PCDHGA12: variants seen among roughly 807,000 people sequenced by gnomAD.
PCDHGA12 encodes the protein protocadherin gamma-A12.
In PCDHGA12, 43 loss-of-function variants were observed where a neutral mutation model predicts 61.1. The ratio of observed to expected loss-of-function variants is 0.70; its 90% CI spans 0.55 to 0.91. The LOEUF is 0.91. Ranked by LOEUF, PCDHGA12 falls within the 40% of genes least tolerant of loss-of-function variation. The pLI, the probability that PCDHGA12 is intolerant of heterozygous loss-of-function variation, is 0.00. For missense variants in PCDHGA12, 1,236 were observed against 1,227.7 expected (o/e 1.01, Z -0.10); for synonymous variants, 520 against 542.9 (o/e 0.96, Z 0.59).
chr5:141,457,273 G>A (rs746102734), intron 1 of PCDHGA12, among the ~76,000 whole-genome samples: 7 of 152,144 alleles, frequency 4.6e-5, no homozygotes, highest in Admixed American at 1.3e-4. Context: ...CCCTCTGTGG[G>A]CCTACGAAGT....
intron 1 of PCDHGA12, among the ~76,000 whole-genome samples, chr5:141,471,120 C>T (rs560582806): frequency 6.7e-6 from 1 of 149,470 alleles, no homozygotes; most frequent in South Asian, 2.1e-4. Context: ...GCGATCTTAC[C>T]TTCACTGCAA....
Position 141,431,428 on chromosome 5 carries a change from A to G in PCDHGA12, c.669A>G (p.Thr223=). The stretch of plus-strand genomic sequence containing the variant: ...CCGACGGGGGCGACCCGGTGCGCAC[A>G]GGCACCGCGCGCATCCGCGTGATGG... The part of the protein sequence containing the change: ...TASDGGDPVR[T]GTARIRVMVL... Residue 223 remains threonine (T), a synonymous_variant, in exon 1 of 4, where the codon ACA becomes ACG. Transcript: ENST00000252085. This position sits in a 1 kb window ranked among gnomAD's most constrained non-coding sequence, Gnocchi z 4.8. The G allele has an allele frequency of 6.2e-7, 1 of 1,613,664 alleles. No individual in the cohort carries two copies. Among genetic ancestry groups the G allele is most frequent in the Non-Finnish European group, 8.5e-7 (1 of 1,179,998 alleles).
chr5:141,458,390 C>T (rs2098944487), intron 1 of PCDHGA12, among the ~76,000 whole-genome samples: 1 of 152,058 alleles, frequency 6.6e-6, no homozygotes, highest in Non-Finnish European at 1.5e-5. Context: ...GAAGACGCTC[C>T]CCCTTGCAGA....
chr5:141,438,754 T>C (rs1213047429), intron 1 of PCDHGA12, among the ~76,000 whole-genome samples: 3 of 148,368 alleles, frequency 2.0e-5, no homozygotes, highest in African/African-American at 5.0e-5. Context: ...CTCTGCCTCC[T>C]GGGTTCAAGC....
At chr5:141,494,250 G>C (rs908660385) in intron 1 of PCDHGA12, among the ~76,000 whole-genome samples, 3 of 152,182 alleles carry the variant, frequency 2.0e-5, no homozygotes, top group African/African-American at 7.2e-5. Flanking sequence ...TTTAGCTGTG[G>C]GAAGAGATTC....
At position 141,476,455 on chromosome 5, in the gene PCDHGA12, G is replaced by A. The variant is rs572682842; in HGVS notation, c.2425-18352G>A. The A allele has an allele frequency of 1.2e-6, 2 of 1,614,034 alleles. No individual in the cohort carries two copies. The highest frequency in any genetic ancestry group is 2.2e-5 in the South Asian group (2 of 91,084). ...CTGTAACTCTGGAGTTGGTAGTGGA[G>A]AACCCGCTGGAGCTGTTCAGCGTGG... On this transcript the variant is annotated intron_variant, in intron 1 of 3. Coordinates refer to ENST00000252085, the MANE Select transcript of PCDHGA12 (RefSeq NM_003735.3). This position sits in a 1 kb window ranked among gnomAD's most constrained non-coding sequence, Gnocchi z 7.6.
chr5:141,501,302 C>T (rs886901737), intron 2 of PCDHGA12, among the ~76,000 whole-genome samples: 14 of 151,156 alleles, frequency 9.3e-5, no homozygotes, highest in African/African-American at 2.9e-4. Flanking sequence ...CACACACACA[C>T]ACACACACAC....
In PCDHGA12 at chr5:141,462,600, A is replaced by G. The variant is rs2154567827; in HGVS notation, c.2424+29417A>G. ...ATCCAGTGAAGTTTCCATTTCATAT[A>G]TTGTATTTTTCACTTTTAGAAGTTC... is the stretch of plus-strand genomic sequence containing the variant. On this transcript the variant is annotated intron_variant, in intron 1 of 3. Coordinates refer to ENST00000252085, the MANE Select transcript of PCDHGA12 (RefSeq NM_003735.3). Among the ~76,000 whole-genome samples, 6 of 152,076 alleles carry G rather than the reference A, an allele frequency of 3.9e-5. No homozygotes were observed. In the Middle Eastern group the frequency reaches 0.014, roughly 345 times the overall value.
Position 141,491,730 on chromosome 5 carries a change from C to G in PCDHGA12, c.2425-3077C>G, listed in dbSNP as rs1346666614. 1 of 1,603,920 alleles carries G rather than the reference C, an allele frequency of 6.2e-7. No homozygotes were observed. Among genetic ancestry groups the G allele is most frequent in the Non-Finnish European group, 8.5e-7 (1 of 1,175,836 alleles). ...GGGGCTCGGCGCCGCCCCGGGCGAC[C>G]CCTGGGGGCGGCACTGGAGAAGCCG... On this transcript the variant is annotated intron_variant, in intron 1 of 3. Coordinates refer to ENST00000252085, the MANE Select transcript of PCDHGA12 (RefSeq NM_003735.3). The surrounding 1 kb of genome is among the most constrained non-coding windows in gnomAD (Gnocchi z 6.9).
At chr5:141,440,912 G>T (rs1281398967) in intron 1 of PCDHGA12, 1 of 152,254 alleles carries the variant, frequency 6.6e-6, no homozygotes, top group Admixed American at 6.5e-5. Context: ...GGGCACTCCT[G>T]TGCTGAGAGT....
Position 141,491,713 on chromosome 5 carries a change from G to T in PCDHGA12, c.2425-3094G>T. The T allele has an allele frequency of 6.2e-7, 1 of 1,609,174 alleles. No individual in the cohort carries two copies. The highest frequency in any genetic ancestry group is 8.5e-7 in the Non-Finnish European group (1 of 1,178,054). On this transcript the variant is annotated intron_variant, in intron 1 of 3. Transcript: ENST00000252085. The surrounding 1 kb of genome is among the most constrained non-coding windows in gnomAD (Gnocchi z 6.9). ...GGAGCGGAGCCAGGTGAGGGGCTCG[G>T]CGCCGCCCCGGGCGACCCCTGGGGG...
At position 141,431,633 on chromosome 5, in the gene PCDHGA12, T is replaced by G; in HGVS notation, c.874T>G (p.Phe292Val). The change falls in exon 1 of 4, where the codon TTC becomes GTC. Residue 292 changes from phenylalanine (F) to valine (V), a missense_variant. Phe to Val is a conservative substitution (Grantham distance 50). Coordinates refer to ENST00000252085, the MANE Select transcript of PCDHGA12 (RefSeq NM_003735.3). This position sits in a 1 kb window ranked among gnomAD's most constrained non-coding sequence, Gnocchi z 4.8. Reference sequence around the variant, plus strand: ...TGTGGACGACAAGGCGGCCCAAGTTTTCAAACTAGATTGTAATTCAGGGAC... The same window carrying G: ...TGTGGACGACAAGGCGGCCCAAGTTGTCAAACTAGATTGTAATTCAGGGAC... ...RYVDDKAAQV[F>V]KLDCNSGTIS... 6.2e-7 allele frequency: 1 copy of G among 1,614,240 alleles called. No individual in the cohort carries two copies. Among genetic ancestry groups the G allele is most frequent in the Non-Finnish European group, 8.5e-7 (1 of 1,180,048 alleles).
At chr5:141,492,587 C>G (rs2154587748) in intron 1 of PCDHGA12, among the ~76,000 whole-genome samples, 1 of 152,314 alleles carries the variant, frequency 6.6e-6, no homozygotes, top group African/African-American at 2.4e-5. Flanking sequence ...GGGCCAGGAG[C>G]GCTGGAGCGA....
At chr5:141,456,860 G>A (rs1345260160) in intron 1 of PCDHGA12, among the ~76,000 whole-genome samples, 1 of 152,170 alleles carries the variant, frequency 6.6e-6, no homozygotes, top group African/African-American at 2.4e-5. Flanking sequence ...CTAATTGGGA[G>A]GCTGAGGCAG....
At chr5:141,446,837 T>G (rs2098518039) in intron 1 of PCDHGA12, among the ~76,000 whole-genome samples, 1 of 152,168 alleles carries the variant, frequency 6.6e-6, no homozygotes, top group South Asian at 2.1e-4. Flanking sequence ...CTTATAAGGC[T>G]GAGCATAATA....
rs776773140 is a variant in PCDHGA12, at chr5:141,476,589, G to A, written c.2425-18218G>A. 5 of 1,614,246 alleles carry A rather than the reference G, an allele frequency of 3.1e-6. No individual in the cohort carries two copies. Among genetic ancestry groups the A allele is most frequent in the Non-Finnish European group, 4.2e-6 (5 of 1,180,046 alleles). On this transcript the variant is annotated intron_variant, in intron 1 of 3. Coordinates refer to ENST00000252085, the MANE Select transcript of PCDHGA12 (RefSeq NM_003735.3). This position sits in a 1 kb window ranked among gnomAD's most constrained non-coding sequence, Gnocchi z 7.6. ...CCGGGGACGCGCTTTCCGCTCGAGA[G>A]CGCGCACGATCCCGATGTGGGAAGC...
Position 141,491,665 on chromosome 5 carries a change from C to G in PCDHGA12, c.2425-3142C>G. The stretch of plus-strand genomic sequence containing the variant: ...TCTGGCGCTGGAGCCTGACGCCATC[C>G]GGTCCCGCTCTAATACGCTGCGGGA... On this transcript the variant is annotated intron_variant, in intron 1 of 3. Transcript: ENST00000252085. This position sits in a 1 kb window ranked among gnomAD's most constrained non-coding sequence, Gnocchi z 6.9. 1 of 1,613,764 alleles carries G rather than the reference C, an allele frequency of 6.2e-7. No homozygotes were observed. Among genetic ancestry groups the G allele is most frequent in the Non-Finnish European group, 8.5e-7 (1 of 1,180,000 alleles).
rs770391604 is a variant in PCDHGA12, at chr5:141,431,437, G to A, written c.678G>A (p.Ala226=). Residue 226 remains alanine, a synonymous_variant, in exon 1 of 4, where the codon GCG becomes GCA. Coordinates refer to ENST00000252085, the MANE Select transcript of PCDHGA12 (RefSeq NM_003735.3). The surrounding 1 kb of genome is among the most constrained non-coding windows in gnomAD (Gnocchi z 4.8). ...GCGACCCGGTGCGCACAGGCACCGC[G>A]CGCATCCGCGTGATGGTTCTGGATG... The part of the protein sequence containing the change: ...DGGDPVRTGT[A]RIRVMVLDAN... The A allele has an allele frequency of 7.4e-6, 12 of 1,613,710 alleles. No homozygotes were observed. In the East Asian group the frequency reaches 2.5e-4, roughly 33 times the overall value.
chr5:141,502,866 CTT>C (rs549047197), intron 2 of PCDHGA12, among the ~76,000 whole-genome samples: 3 of 127,996 alleles, frequency 2.3e-5, no homozygotes, highest in Admixed American at 8.6e-5. Flanking sequence ...GACTCTCTGT[CTT>C]TTTTTTTTTT....
Sources: allele counts gnomAD v4.1 joint callset (sites outside exome capture counted in the v4.1 genomes callset), GRCh38; gene constraint gnomAD v4.1.1; non-coding constraint Gnocchi (gnomAD v3.1); transcripts MANE v1.5; gene names NCBI Gene and HGNC (gene_info 2026-07-23, HGNC 2026-07-21).